HS3ST1: variants seen among roughly 807,000 people sequenced by gnomAD.
The protein encoded by HS3ST1 is heparan sulfate-glucosamine 3-sulfotransferase 1, also known as heparan sulfate glucosamine 3-O-sulfotransferase 1.
In HS3ST1, 8 loss-of-function variants were observed where a neutral mutation model predicts 20.7. The ratio of observed to expected loss-of-function variants is 0.39; its 90% CI spans 0.23 to 0.70. HS3ST1 has a LOEUF of 0.70. Ranked by LOEUF, HS3ST1 falls within the 30% of genes least tolerant of loss-of-function variation. The pLI is 0.46. For synonymous variants in HS3ST1, 205 were observed against 190.4 expected, an observed-to-expected ratio of 1.08 and a Z score of -0.63; for missense variants, 436 against 423.4, an observed-to-expected ratio of 1.03 and a Z score of -0.26.
Position 11,399,314 on chromosome 4 carries a change from A to T in HS3ST1, c.692T>A (p.Val231Asp). The change falls in exon 2 of 2, where the codon GTC becomes GAC. Residue 231 changes from valine to aspartate, a missense_variant. Physicochemically the swap from Val to Asp is radical, Grantham distance 152. Coordinates refer to ENST00000002596, the MANE Select transcript of HS3ST1 (RefSeq NM_005114.4). This position sits in a 1 kb window ranked among gnomAD's most constrained non-coding sequence, Gnocchi z 5.1. ...CGGCGACAGCTTTAGGAACCTCTCGACCTTTTGGATCTCAGGGAAGGGGTC... is the reference window on the plus strand; with the variant it reads ...CGGCGACAGCTTTAGGAACCTCTCGTCCTTTTGGATCTCAGGGAAGGGGTC... ...IRDPFPEIQK[V>D]ERFLKLSPQI... is the part of the protein sequence containing the mutation. The T allele has an allele frequency of 1.2e-6, 2 of 1,614,052 alleles. No homozygotes were observed. The highest frequency in any genetic ancestry group is 1.7e-6 in the Non-Finnish European group (2 of 1,180,008).
intron 1 of HS3ST1, among the ~76,000 whole-genome samples, chr4:11,402,118 T>G (rs1442367340): frequency 6.6e-6 from 1 of 152,216 alleles, no homozygotes; most frequent in Non-Finnish European, 1.5e-5. Flanking sequence ...TTAAAACTTG[T>G]CCAGAATGAA....
At chr4:11,412,959 G>C (rs759856470) in intron 1 of HS3ST1, among the ~76,000 whole-genome samples, 14 of 152,134 alleles carry the variant, frequency 9.2e-5, no homozygotes, top group Non-Finnish European at 1.3e-4. Context: ...GCCCTTCTAA[G>C]AAGAGGCCAG....
At chr4:11,405,029 T>G (rs576478766) in intron 1 of HS3ST1, among the ~76,000 whole-genome samples, 210 of 152,354 alleles carry the variant, frequency 1.4e-3, no homozygotes, top group Non-Finnish European at 2.6e-3. Context: ...TCACTTTTCT[T>G]GGCAATGTCT....
chr4:11,398,337 G>A lies in HS3ST1; in HGVS notation c.*745C>T, dbSNP rs1718194493. On this transcript the variant is annotated 3_prime_UTR_variant, in exon 2 of 2. Coordinates refer to ENST00000002596, the MANE Select transcript of HS3ST1 (RefSeq NM_005114.4). ...TTCTGGAGGCCAGCTGCCACCTGGG[G>A]CAAAGTATCCAGGTCCAAGATCATT... 1 of 152,184 alleles carries A rather than the reference G, an allele frequency of 6.6e-6. No individual in the cohort carries two copies. The highest frequency in any genetic ancestry group is 2.4e-5 in the African/African-American group (1 of 41,440). 9.4% of individuals were successfully genotyped at this position (152,184 alleles called of 1,614,324 possible).
intron 1 of HS3ST1, among the ~76,000 whole-genome samples, chr4:11,414,981 A>G (rs562214973): frequency 1.3e-3 from 203 of 152,344 alleles, no homozygotes; most frequent in Non-Finnish European, 2.6e-3. Flanking sequence ...CAAGGAACCC[A>G]CTGTGTAAGG....
At chr4:11,431,888 A>G (rs1318782067), upstream of HS3ST1, among the ~76,000 whole-genome samples, 1 of 152,190 alleles carries the variant, frequency 6.6e-6, no homozygotes, top group African/African-American at 2.4e-5. Flanking sequence ...GTTCAAGGTG[A>G]CATACTAATA....
Position 11,399,248 on chromosome 4 carries a change from C to G in HS3ST1, c.758G>C (p.Gly253Ala). 1 of 1,614,132 alleles carries G rather than the reference C, an allele frequency of 6.2e-7. No homozygotes were observed. The highest frequency in any genetic ancestry group is 1.1e-5 in the South Asian group (1 of 91,086). The change falls in exon 2 of 2, where the codon GGC becomes GCC. Residue 253 changes from glycine (G) to alanine (A), a missense_variant. Transcript: ENST00000002596. This position sits in a 1 kb window ranked among gnomAD's most constrained non-coding sequence, Gnocchi z 5.1. ...ASNFYFNKTK[G>A]FYCLRDSGRD... ...GCCGCTGTCCCGCAGGCAGTAAAAG[C>G]CCTTGGTTTTGTTAAAGTAGAAGTT...
rs752099373 is a variant in HS3ST1, at chr4:11,399,963, G to A, written c.43C>T (p.Pro15Ser). Residue 15 changes from proline (P) to serine (S), a missense_variant, in exon 2 of 2, where the codon CCC becomes TCC. Physicochemically the swap from Pro to Ser is moderately conservative, Grantham distance 74 (BLOSUM62 -1). Coordinates refer to ENST00000002596, the MANE Select transcript of HS3ST1 (RefSeq NM_005114.4). This position sits in a 1 kb window ranked among gnomAD's most constrained non-coding sequence, Gnocchi z 5.1. ...LLGAVLLVAQ[P>S]QLVPSRPAEL... ...GCGGGGCGGGAAGGCACTAGCTGGGGCTGGGCCACCAGCAGCACCGCGCCC... is the reference window on the plus strand; with the variant it reads ...GCGGGGCGGGAAGGCACTAGCTGGGACTGGGCCACCAGCAGCACCGCGCCC... 6.4e-7 allele frequency: 1 copy of A among 1,555,620 alleles called. No individual in the cohort carries two copies. The highest frequency in any genetic ancestry group is 1.2e-5 in the South Asian group (1 of 85,982).
At chr4:11,425,301 C>T (rs1484887615) in intron 1 of HS3ST1, among the ~76,000 whole-genome samples, 3 of 152,148 alleles carry the variant, frequency 2.0e-5, no homozygotes, top group East Asian at 1.9e-4. Flanking sequence ...CGGGTCATCT[C>T]GTGACACTGG....
chr4:11,400,015 C>T lies in HS3ST1; in HGVS notation c.-10G>A, dbSNP rs940211265. On this transcript the variant is annotated 5_prime_UTR_variant, in exon 2 of 2. Transcript: ENST00000002596. ...GGAGCAGCGCGGCCATGCTGGACAC[C>T]ACGGTGGCTTCACTGGGCCGCGCGC... The T allele has an allele frequency of 6.7e-7, 1 of 1,489,822 alleles. No homozygotes were observed. The allele number at this position is 1,489,822 out of a possible 1,614,324, so 92.3% of individuals were successfully genotyped here.
rs546474329 is a variant in HS3ST1, at chr4:11,402,189, T to C, written c.-108-2076A>G. Among the ~76,000 whole-genome samples the C allele has an allele frequency of 2.2e-4, 34 of 152,358 alleles. No homozygotes were observed. The South Asian group carries it at 5.4e-3, about 24-fold the overall frequency. On this transcript the variant is annotated intron_variant, in intron 1 of 1. Transcript: ENST00000002596. ...TGATCAACCAGCTAATCTACCTTTC[T>C]CAGATATTGTTATCTTCTTTGAAAA...
In HS3ST1 at chr4:11,394,189, A is replaced by G. The variant is rs1718078276; in HGVS notation, c.*4893T>C. The G allele has an allele frequency of 6.6e-6, 1 of 152,190 alleles. No individual in the cohort carries two copies. The highest frequency in any genetic ancestry group is 2.1e-4 in the South Asian group (1 of 4,826). 9.4% of individuals were successfully genotyped at this position (152,190 alleles called of 1,614,324 possible). A position where few individuals can be genotyped will look rare whatever the true frequency, so the allele number is the denominator to read the frequency against. ...AACAGAGTACAGTACATATCTGCCC[A>G]TTTTTATGGAGAAGGAAATGGAGGT... On this transcript the variant is annotated 3_prime_UTR_variant, in exon 2 of 2. Transcript: ENST00000002596.
At chr4:11,407,813 G>A (rs1187895197) in intron 1 of HS3ST1, among the ~76,000 whole-genome samples, 1 of 152,246 alleles carries the variant, frequency 6.6e-6, no homozygotes, top group South Asian at 2.1e-4. Context: ...CAAGAGGCCT[G>A]AGCAGAGGCC....
intron 1 of HS3ST1, among the ~76,000 whole-genome samples, chr4:11,425,395 G>T (rs1235095312): frequency 6.6e-6 from 1 of 152,042 alleles, no homozygotes; most frequent in African/African-American, 2.4e-5. Flanking sequence ...TAACATCAGG[G>T]CCCTCTCTTC....
upstream of HS3ST1, among the ~76,000 whole-genome samples, chr4:11,434,231 C>G (rs1408500997): frequency 2.6e-5 from 4 of 152,114 alleles, no homozygotes; most frequent in South Asian, 2.1e-4. Flanking sequence ...TATTAATCTG[C>G]TTTGTGGTGG....
rs1577434236 is a variant in HS3ST1, at chr4:11,398,642, T to G, written c.*440A>C. On this transcript the variant is annotated 3_prime_UTR_variant, in exon 2 of 2. Transcript: ENST00000002596. ...AGACATTAAAAATTAAAAAGAGCAA[T>G]GCAGAAAGGAGAGGGGAGAGAGAGG... 6.5e-6 allele frequency: 1 copy of G among 152,696 alleles called. No homozygotes were observed. The allele number at this position is 152,696 out of a possible 1,614,324, so 9.5% of individuals were successfully genotyped here. A position where few individuals can be genotyped will look rare whatever the true frequency, so the allele number is the denominator to read the frequency against.
Position 11,399,493 on chromosome 4 carries a change from G to A in HS3ST1, c.513C>T (p.Tyr171=), listed in dbSNP as rs750029029. The change falls in exon 2 of 2, where the codon TAC becomes TAT. Residue 171 remains tyrosine (Y), a synonymous_variant. Coordinates refer to ENST00000002596, the MANE Select transcript of HS3ST1 (RefSeq NM_005114.4). The surrounding 1 kb of genome is among the most constrained non-coding windows in gnomAD (Gnocchi z 5.1). ...GCACCAGGAACTCCTCGATGGACGG[G>A]TAGGGCTTGTGCTTCTGCATGTGGT... ...FYNHMQKHKP[Y]PSIEEFLVRD... 1 of 1,614,066 alleles carries A rather than the reference G, an allele frequency of 6.2e-7. No individual in the cohort carries two copies. Among genetic ancestry groups the A allele is most frequent in the Non-Finnish European group, 8.5e-7 (1 of 1,180,006 alleles).
upstream of HS3ST1, among the ~76,000 whole-genome samples, chr4:11,431,681 G>T (rs1719209360): frequency 6.6e-6 from 1 of 152,138 alleles, no homozygotes; most frequent in Non-Finnish European, 1.5e-5. Flanking sequence ...AGAAGATAAA[G>T]GCTCAAGGAG....
rs368132763 is a variant in HS3ST1 at position 11,393,533 on chromosome 4, G to A, written c.*5549C>T. 6.6e-6 allele frequency: 1 copy of A among 152,228 alleles called. No homozygotes were observed. Among genetic ancestry groups the A allele is most frequent in the South Asian group, 2.1e-4 (1 of 4,826 alleles). 9.4% of individuals were successfully genotyped at this position (152,228 alleles called of 1,614,324 possible). A position where few individuals can be genotyped will look rare whatever the true frequency, so the allele number is the denominator to read the frequency against. On this transcript the variant is annotated 3_prime_UTR_variant, in exon 2 of 2. Transcript: ENST00000002596. ...AGTGGATGGTCTAGAAGCAAAGTCT[G>A]AGGGGGGATTCCTGTTTTCTTGGGA...
Sources: gnomAD v4.1 joint callset for allele counts (sites outside exome capture counted in the v4.1 genomes callset) on GRCh38, gnomAD v4.1.1 for gene constraint, Gnocchi (gnomAD v3.1) non-coding constraint, MANE v1.5 for transcripts, NCBI Gene and HGNC (gene_info 2026-07-23, HGNC 2026-07-21) for gene names.